The following TMEM120B variants were observed in gnomAD, a reference collection of about 807,000 sequenced individuals.
TMEM120B encodes transmembrane protein 120B.
Under a neutral mutation model 55.5 loss-of-function variants are expected in TMEM120B, and 31 were observed. The observed-to-expected ratio is 0.56, with a 90% CI of 0.42 to 0.75. The LOEUF is 0.75. TMEM120B is among the 30% of genes least tolerant of loss of function. The pLI is 0.00. For synonymous variants in TMEM120B, 203 were observed against 176.3 expected (o/e 1.15, Z -1.20); for missense variants, 399 against 425.5 (o/e 0.94, Z 0.55).
intron 1 of TMEM120B, among the ~76,000 whole-genome samples, chr12:121,738,489 G>GC (rs758950080): frequency 1.6e-4 from 24 of 152,096 alleles, no homozygotes; most frequent in Non-Finnish European, 3.4e-4. Flanking sequence ...TCAGGCCAGG[G>GC]CCCCGTCTTC....
At chr12:121,760,335 C>A (rs1451025898) in intron 5 of TMEM120B, among the ~76,000 whole-genome samples, 1 of 151,744 alleles carries the variant, frequency 6.6e-6, no homozygotes. Flanking sequence ...AGAAGAGGGC[C>A]GAGCGGGCAT....
rs373731344 is a variant in TMEM120B at position 121,765,133 on chromosome 12, T to C, written c.551+3395T>C. 7.9e-4 allele frequency among the ~76,000 whole-genome samples: 99 copies of C among 124,540 alleles called. 1 individual carries two copies. Among genetic ancestry groups the C allele is most frequent in the Middle Eastern group, 7.0e-3 (2 of 286 alleles). The allele number at this position is 124,540 out of a possible 152,430, so 81.7% of individuals were successfully genotyped here. A position where few individuals can be genotyped will look rare whatever the true frequency, so the allele number is the denominator to read the frequency against. ...TTTCTTTTCTTTCTTTTCTTTCTTTTTTTTTTTTTTTTTTGAGACAGAGTC... is the reference window on the plus strand; with the variant it reads ...TTTCTTTTCTTTCTTTTCTTTCTTTCTTTTTTTTTTTTTTGAGACAGAGTC... On this transcript the variant is annotated intron_variant, in intron 6 of 11. Transcript: ENST00000449592.
intron 1 of TMEM120B, among the ~76,000 whole-genome samples, chr12:121,722,953 A>G (rs1894823588): frequency 2.0e-5 from 3 of 151,286 alleles, no homozygotes; most frequent in Admixed American, 6.6e-5. Context: ...GGTTCAAGCA[A>G]TTCTCTTGCC....
At chr12:121,724,483 AT>A (rs1483787492) in intron 1 of TMEM120B, among the ~76,000 whole-genome samples, 1 of 150,772 alleles carries the variant, frequency 6.6e-6, no homozygotes, top group Non-Finnish European at 1.5e-5. Flanking sequence ...TGGCTGTACT[AT>A]TTCTTAGGTT....
intron 2 of TMEM120B, among the ~76,000 whole-genome samples, chr12:121,746,089 G>C (rs1248316262): frequency 6.6e-6 from 1 of 152,028 alleles, no homozygotes; most frequent in Non-Finnish European, 1.5e-5. Context: ...TCGAACTCCT[G>C]ACTTCAGGTG....
chr12:121,762,061 G>T (rs1009778129), intron 6 of TMEM120B, among the ~76,000 whole-genome samples: 3 of 152,156 alleles, frequency 2.0e-5, no homozygotes, highest in African/African-American at 4.8e-5. Flanking sequence ...GGGAGGCCGA[G>T]GGGGGCAGAT....
intron 1 of TMEM120B, among the ~76,000 whole-genome samples, chr12:121,713,630 G>A (rs954280172): frequency 5.9e-5 from 9 of 152,158 alleles, no homozygotes; most frequent in Non-Finnish European, 1.2e-4. Context: ...ACACGGGGTG[G>A]AGTGAGGGCG....
chr12:121,766,494 C>T (rs901705733), intron 6 of TMEM120B, among the ~76,000 whole-genome samples: 1 of 152,178 alleles, frequency 6.6e-6, no homozygotes, highest in Non-Finnish European at 1.5e-5. Flanking sequence ...CCCAGGCAGG[C>T]CTCCCACCAG....
chr12:121,779,741 C>A lies in TMEM120B; in HGVS notation c.*4019C>A. ...CACCACCTGGTGGGTTTGGGACTGG[C>A]TCTGAGGACTCTGCAGGGATGGAGG... On this transcript the variant is annotated 3_prime_UTR_variant, in exon 12 of 12. Transcript: ENST00000449592. 1.4e-6 allele frequency: 2 copies of A among 1,460,950 alleles called. No homozygotes were observed. Among genetic ancestry groups the A allele is most frequent in the Non-Finnish European group, 9.4e-7 (1 of 1,060,016 alleles). The allele number at this position is 1,460,950 out of a possible 1,614,324, so 90.5% of individuals were successfully genotyped here.
chr12:121,741,214 T>TA (rs1555331033), intron 1 of TMEM120B, among the ~76,000 whole-genome samples: 2 of 152,096 alleles, frequency 1.3e-5, no homozygotes, highest in Non-Finnish European at 2.9e-5. Context: ...CAGGCACACA[T>TA]ACATGGGGGA....
chr12:121,748,503 G>T, intron 3 of TMEM120B, 61 bp downstream of exon 3: 3 of 1,171,980 alleles, frequency 2.6e-6, no homozygotes, highest in East Asian at 2.5e-5. Context: ...AGCACAGCTG[G>T]TCCATATAAC....
chr12:121,730,663 A>G (rs1167896868), intron 1 of TMEM120B, among the ~76,000 whole-genome samples: 3 of 137,700 alleles, frequency 2.2e-5, no homozygotes, highest in Non-Finnish European at 4.8e-5. Context: ...AAAAAAAAAA[A>G]CAAACAAAAA....
At chr12:121,751,125 A>C in intron 4 of TMEM120B, among the ~76,000 whole-genome samples, 1 of 87,744 alleles carries the variant, frequency 1.1e-5, no homozygotes, top group Non-Finnish European at 2.3e-5. Context: ...CCAAACCCAC[A>C]CCCCACACCT....
At chr12:121,754,408 A>G (rs1484603038) in intron 5 of TMEM120B, among the ~76,000 whole-genome samples, 2 of 152,168 alleles carry the variant, frequency 1.3e-5, no homozygotes, top group Admixed American at 6.5e-5. Context: ...TTCATCTCCT[A>G]GGGCCACTGT....
At chr12:121,752,336 T>G in intron 5 of TMEM120B, 113 bp downstream of exon 5, 1 of 876,512 alleles carries the variant, frequency 1.1e-6, no homozygotes, top group Admixed American at 2.1e-5. Context: ...TTGTTTGGCA[T>G]GATGAGGTGT....
Position 121,779,663 on chromosome 12 carries a change from C to T in TMEM120B, c.*3941C>T. ...GGATCTGTTCGCAGGCGCTCAGGCC[C>T]TGGGTGGGGGGAGGAGCCAGCATTA... On this transcript the variant is annotated 3_prime_UTR_variant, in exon 12 of 12. Transcript: ENST00000449592. The T allele has an allele frequency of 6.2e-7, 1 of 1,613,782 alleles. No individual in the cohort carries two copies. Among genetic ancestry groups the T allele is most frequent in the Non-Finnish European group, 8.5e-7 (1 of 1,179,824 alleles).
rs1188484810 is a variant in TMEM120B, at chr12:121,775,821, G to A, written c.*99G>A. 4 of 1,315,434 alleles carry A rather than the reference G, an allele frequency of 3.0e-6. No homozygotes were observed. The South Asian group carries it at 4.9e-5, about 16-fold the overall frequency. 81.5% of individuals were successfully genotyped at this position (1,315,434 alleles called of 1,614,324 possible). On this transcript the variant is annotated 3_prime_UTR_variant, in exon 12 of 12. Transcript: ENST00000449592. This position sits in a 1 kb window ranked among gnomAD's most constrained non-coding sequence, Gnocchi z 4.3. ...TCAGGCCCGTGGCATCGCTGGGAGA[G>A]GGCCCAGGCCCTGGTCCCCCAGTGG...
At position 121,780,762 on chromosome 12, in the gene TMEM120B, T is replaced by G; in HGVS notation, c.*5040T>G. On this transcript the variant is annotated 3_prime_UTR_variant, in exon 12 of 12. Coordinates refer to ENST00000449592, the MANE Select transcript of TMEM120B (RefSeq NM_001080825.2). ...TAGTTAAAAATTATTCTTAGAATCT[T>G]GCTTCCCTCAGCTCCCTGAAAGGCC... is the stretch of plus-strand genomic sequence containing the variant. 8.0e-7 allele frequency: 1 copy of G among 1,253,886 alleles called. No individual in the cohort carries two copies. The highest frequency in any genetic ancestry group is 1.1e-6 in the Non-Finnish European group (1 of 915,506). 77.7% of individuals were successfully genotyped at this position (1,253,886 alleles called of 1,614,324 possible).
At chr12:121,760,559 C>T (rs1413345605) in intron 5 of TMEM120B, among the ~76,000 whole-genome samples, 1 of 152,182 alleles carries the variant, frequency 6.6e-6, no homozygotes, top group East Asian at 1.9e-4. Flanking sequence ...AGTGGAATGT[C>T]CCCGGAAAGT....
Sources: allele counts gnomAD v4.1 joint callset (sites outside exome capture counted in the v4.1 genomes callset), GRCh38; gene constraint gnomAD v4.1.1; non-coding constraint Gnocchi (gnomAD v3.1); transcripts MANE v1.5; gene names NCBI Gene and HGNC (gene_info 2026-07-23, HGNC 2026-07-21).